Variants in RAB36 observed in about 807,000 individuals in gnomAD.
RAB36 encodes the protein ras-related protein Rab-36.
RAB36 carries 33 observed loss-of-function variants against 39.3 expected under a neutral mutation model. The ratio of observed to expected loss-of-function variants is 0.84; its 90% confidence interval spans 0.64 to 1.12. The LOEUF (loss-of-function observed/expected upper bound fraction) is 1.12, where lower values mean the gene tolerates loss of function less well. Among genes scored for constraint, RAB36 ranks in the 50% most tolerant of loss-of-function variants. RAB36 has a pLI of 0.00. For synonymous variants in RAB36, 133 were observed against 140.2 expected (o/e 0.95, Z 0.36); for missense variants, 308 against 355.3 (o/e 0.87, Z 1.07).
rs1370261323 is a variant in RAB36, at chr22:23,165,128, C to T, written c.*3564C>T. On this transcript the variant is annotated 3_prime_UTR_variant, in exon 11 of 11. Coordinates refer to ENST00000263116, the MANE Select transcript of RAB36 (RefSeq NM_004914.5). ...GAACCCCAAGAGCCAGGACAGTGAC[C>T]TCATCACCTCTACTGTCTCCCCTAG... is the stretch of plus-strand genomic sequence containing the variant. 6.6e-6 allele frequency among the ~76,000 whole-genome samples: 1 copy of T among 152,168 alleles called. No individual in the cohort carries two copies. Among genetic ancestry groups the T allele is most frequent in the African/African-American group, 2.4e-5 (1 of 41,414 alleles).
rs2071951556 is a variant in RAB36, at chr22:23,163,774, T to C, written c.*2210T>C. The C allele has an allele frequency of 6.6e-6, 1 of 152,198 alleles. No homozygotes were observed. The highest frequency in any genetic ancestry group is 1.5e-5 in the Non-Finnish European group (1 of 68,050). The allele number at this position is 152,198 out of a possible 1,614,324, so 9.4% of individuals were successfully genotyped here. ...CCTTTGCCTGCACAGCTAGTGTTGA[T>C]GGCTTGTTTGTTGTTTTCACCAGAG... On this transcript the variant is annotated 3_prime_UTR_variant, in exon 11 of 11. Coordinates refer to ENST00000263116, the MANE Select transcript of RAB36 (RefSeq NM_004914.5).
intron 2 of RAB36, among the ~76,000 whole-genome samples, chr22:23,149,807 A>T (rs551497066): frequency 1.3e-5 from 2 of 152,344 alleles, no homozygotes; most frequent in Middle Eastern, 3.4e-3. Context: ...GCAGCAAGGG[A>T]ACTGCGGCCC....
intron 6 of RAB36, among the ~76,000 whole-genome samples, chr22:23,156,468 C>A (rs543015484): frequency 2.6e-5 from 4 of 152,118 alleles, no homozygotes; most frequent in African/African-American, 9.7e-5. Context: ...CCAGCAGGGC[C>A]GGATGCTCAC....
intron 1 of RAB36, among the ~76,000 whole-genome samples, chr22:23,146,316 C>T (rs944870547): frequency 5.9e-5 from 9 of 152,218 alleles, no homozygotes; most frequent in African/African-American, 9.6e-5. Context: ...TCAAGCATTC[C>T]TCCCACCTTC....
At position 23,158,971 on chromosome 22, in the gene RAB36, G is replaced by A. The variant is rs1193676565; in HGVS notation, c.520G>A (p.Asp174Asn). The change falls in exon 8 of 11, where the codon GAC (aspartate) becomes AAC (asparagine). Residue 174 changes from aspartate to asparagine, a missense_variant. Transcript: ENST00000263116. The stretch of plus-strand genomic sequence containing the variant: ...CATCTTCCTCGTGGGAACCAAGAAG[G>A]ACCTTCTGGTGAGCAGAGTGGCACT... ...CFIFLVGTKKDLLSGAACEQA... is the reference protein window; with the variant it reads ...CFIFLVGTKKNLLSGAACEQA... 1 of 1,614,048 alleles carries A rather than the reference G, an allele frequency of 6.2e-7. No homozygotes were observed. Among genetic ancestry groups the A allele is most frequent in the African/African-American group, 1.3e-5 (1 of 74,938 alleles).
At chr22:23,152,750 C>T (rs538924145) in intron 4 of RAB36, among the ~76,000 whole-genome samples, 2 of 152,346 alleles carry the variant, frequency 1.3e-5, no homozygotes, top group Admixed American at 1.3e-4. Context: ...GCTTGTCAGA[C>T]TGTCCCCCTG....
rs2071930747 is a variant in RAB36, at chr22:23,163,535, A to G, written c.*1971A>G. On this transcript the variant is annotated 3_prime_UTR_variant, in exon 11 of 11. Coordinates refer to ENST00000263116, the MANE Select transcript of RAB36 (RefSeq NM_004914.5). The stretch of plus-strand genomic sequence containing the variant: ...GAGCCACCGCGTCCGGCCTCCATAA[A>G]TGACTTTTAAAGGGGTTGTATGTTT... The G allele has an allele frequency of 6.6e-6, 1 of 150,670 alleles. No individual in the cohort carries two copies. The highest frequency in any genetic ancestry group is 2.1e-4 in the South Asian group (1 of 4,748). 9.3% of individuals were successfully genotyped at this position (150,670 alleles called of 1,614,324 possible).
At chr22:23,160,201 C>G (rs532486294) in intron 9 of RAB36, among the ~76,000 whole-genome samples, 1 of 152,308 alleles carries the variant, frequency 6.6e-6, no homozygotes, top group South Asian at 2.1e-4. Context: ...CAGCCCAGCG[C>G]AAACAACTGG....
chr22:23,149,975 G>A (rs1440534640), intron 2 of RAB36, 88 bp from the exon 3 acceptor site: 4 of 1,050,118 alleles, frequency 3.8e-6, no homozygotes, highest in Non-Finnish European at 5.8e-6. Context: ...AAGGAAGGCT[G>A]GGAAGATCAT....
rs1453567966 is a variant in RAB36 at position 23,164,241 on chromosome 22, G to T, written c.*2677G>T. ...GGGCCTCCAGGATATGTTTGCGGGG[G>T]TGGGTGTGGTGTCCAGCTGTTACCA... On this transcript the variant is annotated 3_prime_UTR_variant, in exon 11 of 11. Transcript: ENST00000263116. 1 of 152,322 alleles carries T rather than the reference G, an allele frequency of 6.6e-6. No homozygotes were observed. Among genetic ancestry groups the T allele is most frequent in the Non-Finnish European group, 1.5e-5 (1 of 68,124 alleles). The allele number at this position is 152,322 out of a possible 1,614,324, so 9.4% of individuals were successfully genotyped here. A position where few individuals can be genotyped will look rare whatever the true frequency, so the allele number is the denominator to read the frequency against.
chr22:23,160,740 G>C (rs527408896), intron 9 of RAB36, 139 bp from the exon 10 acceptor site: 2 of 1,200,134 alleles, frequency 1.7e-6, no homozygotes, highest in South Asian at 3.0e-5. Context: ...TGCCCTCCTG[G>C]GGTCATTGTT....
intron 7 of RAB36, among the ~76,000 whole-genome samples, 199 bp downstream of exon 7, chr22:23,158,242 C>T (rs2071572407): frequency 6.6e-6 from 1 of 152,210 alleles, no homozygotes; most frequent in Admixed American, 6.5e-5. Context: ...TCTGGAGGAG[C>T]CAGCACATGA....
At chr22:23,149,869 C>T (rs1480527653) in intron 2 of RAB36, among the ~76,000 whole-genome samples, 194 bp from the exon 3 acceptor site, 3 of 152,226 alleles carry the variant, frequency 2.0e-5, no homozygotes, top group Non-Finnish European at 4.4e-5. Flanking sequence ...CCTCTGGACT[C>T]ACAAGGCCCC....
At chr22:23,145,332 G>T, upstream of RAB36, 2 of 1,519,634 alleles carry the variant, frequency 1.3e-6, no homozygotes, top group Non-Finnish European at 8.9e-7. Flanking sequence ...TCTGCTGCCA[G>T]CCCCGCCCAG....
intron 3 of RAB36, 76 bp downstream of exon 3, chr22:23,150,230 CAAATG>C (rs1213035272): frequency 1.7e-6 from 2 of 1,145,864 alleles, no homozygotes; most frequent in Non-Finnish European, 2.6e-6. Flanking sequence ...AAAGAATGAA[CAAATG>C]AAACACACAC....
chr22:23,167,326 C>T (rs997366161), downstream of RAB36, among the ~76,000 whole-genome samples: 2 of 152,214 alleles, frequency 1.3e-5, no homozygotes, highest in African/African-American at 4.8e-5. Flanking sequence ...CTCCCTGCAC[C>T]CTCACAATGT....
Position 23,160,883 on chromosome 22 carries a change from G to A in RAB36, c.624G>A (p.Glu208=). The A allele has an allele frequency of 1.2e-6, 2 of 1,613,408 alleles. No homozygotes were observed. Among genetic ancestry groups the A allele is most frequent in the Non-Finnish European group, 1.7e-6 (2 of 1,179,622 alleles). The change falls in exon 10 of 11, where the codon GAG becomes GAA. Residue 208 remains glutamate (E), a synonymous_variant. Transcript: ENST00000263116. The stretch of plus-strand genomic sequence containing the variant: ...GGCTGTCTTGTGGGCCCACAGGCGA[G>A]AACGTGAAGGCATTCTTCAGCCGCG... ...EYWSVSAKTG[E]NVKAFFSRVA...
intron 1 of RAB36, chr22:23,146,010 C>G: frequency 1.0e-6 from 1 of 985,272 alleles, no homozygotes; most frequent in Non-Finnish European, 1.2e-6. Flanking sequence ...TGAGCTGTGC[C>G]ATGCCTCACA....
intron 10 of RAB36, 119 bp downstream of exon 10, chr22:23,161,117 T>A: frequency 7.8e-7 from 1 of 1,282,434 alleles, no homozygotes; most frequent in Non-Finnish European, 1.1e-6. Context: ...TCTCCTGTCC[T>A]TTGACCCTCC....
Sources: gnomAD v4.1 joint callset for allele counts (sites outside exome capture counted in the v4.1 genomes callset) on GRCh38, gnomAD v4.1.1 for gene constraint, MANE v1.5 for transcripts, NCBI Gene and HGNC (gene_info 2026-07-23, HGNC 2026-07-21) for gene names.